The following ANKRD24 variants were observed in gnomAD, a reference collection of about 807,000 sequenced individuals.
The protein encoded by ANKRD24 is ankyrin repeat domain-containing protein 24.
ANKRD24 carries 109 observed loss-of-function variants against 127.8 expected under a neutral mutation model. The observed-to-expected ratio is 0.85, with a 90% CI of 0.73 to 1.00. The LOEUF (loss-of-function observed/expected upper bound fraction) is 1.00. ANKRD24 is among the 50% of genes least tolerant of loss of function. The pLI, the probability that ANKRD24 is intolerant of heterozygous loss-of-function variation, is 0.00. For synonymous variants in ANKRD24, 743 were observed against 671.1 expected, an observed-to-expected ratio of 1.11 and a Z score of -1.66; for missense variants, 1,648 against 1,570.2, an observed-to-expected ratio of 1.05 and a Z score of -0.84.
intron 15 of ANKRD24, among the ~76,000 whole-genome samples, chr19:4,215,547 G>A (rs758758349): frequency 1.3e-4 from 20 of 148,164 alleles, no homozygotes; most frequent in East Asian, 6.0e-4. Flanking sequence ...CAGGAGGATC[G>A]CTTGAACCCA....
chr19:4,200,063 C>T lies in ANKRD24; in HGVS notation c.255-20C>T, dbSNP rs995561124. 5.7e-6 allele frequency: 9 copies of T among 1,574,250 alleles called. No individual in the cohort carries two copies. The African/African-American group carries it at 9.4e-5, about 17-fold the overall frequency. On this transcript the variant is annotated intron_variant, in intron 4 of 21. Coordinates refer to ENST00000318934, the MANE Select transcript of ANKRD24 (RefSeq NM_001393985.1). ...GAGGGGTGGCAACCTTGCGGCTGAA[C>T]CCTTGTCTCTCACCTCCAGGTTCCA... is the stretch of plus-strand genomic sequence containing the variant.
In ANKRD24 at chr19:4,210,044, C is replaced by T; in HGVS notation, c.871-14C>T. The T allele has an allele frequency of 6.3e-7, 1 of 1,594,148 alleles. No homozygotes were observed. The highest frequency in any genetic ancestry group is 8.6e-7 in the Non-Finnish European group (1 of 1,167,372). On this transcript the variant is annotated splice_polypyrimidine_tract_variant and intron_variant, in intron 11 of 21. Transcript: ENST00000318934. ...CGATCGGCCCCCTTCACTCTCTCTC[C>T]CCTCCCTTCCCAGAACTCTATGTCC...
In ANKRD24 at chr19:4,217,787, G is replaced by A. The variant is rs1288991470; in HGVS notation, c.2627G>A (p.Arg876Gln). 2 of 1,329,450 alleles carry A rather than the reference G, an allele frequency of 1.5e-6. No individual in the cohort carries two copies. Among genetic ancestry groups the A allele is most frequent in the East Asian group, 6.8e-5 (2 of 29,364 alleles). The allele number at this position is 1,329,450 out of a possible 1,614,324, so 82.4% of individuals were successfully genotyped here. Residue 876 changes from arginine (R) to glutamine (Q), a missense_variant, in exon 18 of 22, where the codon CGG becomes CAG. By Grantham distance (43) the Arg-to-Gln change is conservative (BLOSUM62 1). Coordinates refer to ENST00000318934, the MANE Select transcript of ANKRD24 (RefSeq NM_001393985.1). ...QQRTAAAELG[R>Q]ARDAAEARVA... ...CGCACGGCGGCCGCGGAACTGGGCC[G>A]GGCACGGGACGCCGCTGAGGCCCGA...
chr19:4,208,217 C>T (rs905947970), intron 10 of ANKRD24, among the ~76,000 whole-genome samples: 1 of 152,002 alleles, frequency 6.6e-6, no homozygotes, highest in Admixed American at 6.5e-5. Flanking sequence ...AAGAAGGGCA[C>T]CCCCTGCTGG....
chr19:4,205,259 A>G (rs1259753874), intron 7 of ANKRD24, among the ~76,000 whole-genome samples: 1 of 152,066 alleles, frequency 6.6e-6, no homozygotes, highest in Non-Finnish European at 1.5e-5. Flanking sequence ...ACCAACAACA[A>G]CAACAAACAG....
chr19:4,217,186 G>A lies in ANKRD24; in HGVS notation c.2026G>A (p.Gly676Ser), dbSNP rs1486998725. The change falls in exon 18 of 22, where the codon GGC becomes AGC. Residue 676 changes from glycine (G) to serine (S), a missense_variant. Transcript: ENST00000318934. Reference sequence around the variant, plus strand: ...AGGGACCACAAACATGGAGGCCACGGGCTCTAGGGCCACAGGGATGGAATC... The same window carrying A: ...AGGGACCACAAACATGGAGGCCACGAGCTCTAGGGCCACAGGGATGGAATC... ...VTGTTNMEAT[G>S]SRATGMESTG... The A allele has an allele frequency of 6.2e-7, 1 of 1,610,462 alleles. No individual in the cohort carries two copies. Among genetic ancestry groups the A allele is most frequent in the South Asian group, 1.1e-5 (1 of 90,726 alleles).
intron 1 of ANKRD24, among the ~76,000 whole-genome samples, chr19:4,183,776 G>A (rs550167827): frequency 6.6e-6 from 1 of 152,248 alleles, no homozygotes; most frequent in East Asian, 1.9e-4. Context: ...AGCTGGGTGT[G>A]GTGGCCTGTA....
chr19:4,191,162 G>A (rs1968362002), intron 2 of ANKRD24, among the ~76,000 whole-genome samples: 1 of 152,194 alleles, frequency 6.6e-6, no homozygotes, highest in Non-Finnish European at 1.5e-5. Flanking sequence ...TTGCTGGGAA[G>A]CTGCAGGGCC....
chr19:4,210,108 G>A lies in ANKRD24; in HGVS notation c.921G>A (p.Ala307=), dbSNP rs998717280. The A allele has an allele frequency of 2.6e-5, 42 of 1,611,582 alleles. No homozygotes were observed. In the East Asian group the frequency reaches 2.9e-4, roughly 11 times the overall value. ...AGGGGGCCCCCAAGAAGCGGAAGGCGCCTCCACCTCCCGCCAGCATTCCCA... is the reference window on the plus strand; with the variant it reads ...AGGGGGCCCCCAAGAAGCGGAAGGCACCTCCACCTCCCGCCAGCATTCCCA... ...GKQGAPKKRK[A]PPPPASIPMP... is the part of the protein sequence containing the mutation. The change falls in exon 12 of 22, where the codon GCG becomes GCA. Residue 307 remains alanine, a synonymous_variant. Transcript: ENST00000318934.
Position 4,219,603 on chromosome 19 carries a change from G to A in ANKRD24, c.3016G>A (p.Ala1006Thr). The A allele has an allele frequency of 6.2e-7, 1 of 1,611,748 alleles. No individual in the cohort carries two copies. Among genetic ancestry groups the A allele is most frequent in the South Asian group, 1.1e-5 (1 of 90,928 alleles). The change falls in exon 19 of 22, where the codon GCC becomes ACC. Residue 1006 changes from alanine (A) to threonine (T), a missense_variant. Ala to Thr is a moderately conservative substitution (Grantham distance 58). Transcript: ENST00000318934. The part of the protein sequence containing the change: ...SAEVFQVQRE[A>T]LFMKSERHAA... ...GCTTGGGCCACAGGTGCAGCGTGAGGCCCTGTTCATGAAGAGTGAGCGACA... is the reference window on the plus strand; with the variant it reads ...GCTTGGGCCACAGGTGCAGCGTGAGACCCTGTTCATGAAGAGTGAGCGACA...
At chr19:4,194,345 G>A (rs1180888473) in intron 2 of ANKRD24, among the ~76,000 whole-genome samples, 4 of 152,086 alleles carry the variant, frequency 2.6e-5, no homozygotes, top group Admixed American at 6.6e-5. Flanking sequence ...TAGAGACGGG[G>A]TTTCACCATG....
chr19:4,204,813 A>G (rs1452970033), intron 7 of ANKRD24, among the ~76,000 whole-genome samples: 1 of 152,192 alleles, frequency 6.6e-6, no homozygotes, highest in Non-Finnish European at 1.5e-5. Flanking sequence ...TGGTCACAAT[A>G]TAGGAGTCCG....
intron 7 of ANKRD24, among the ~76,000 whole-genome samples, chr19:4,204,457 T>C (rs1199441932): frequency 2.0e-5 from 3 of 152,154 alleles, no homozygotes; most frequent in African/African-American, 7.2e-5. Flanking sequence ...TCGAATGTAC[T>C]CCTGGGCTTT....
intron 1 of ANKRD24, among the ~76,000 whole-genome samples, chr19:4,184,091 T>G (rs1294259597): frequency 6.6e-6 from 1 of 152,076 alleles, no homozygotes; most frequent in Admixed American, 6.6e-5. Context: ...AGATCGTGGG[T>G]GTCTTCCCGC....
chr19:4,190,441 C>T (rs1300809356), intron 2 of ANKRD24, among the ~76,000 whole-genome samples: 4 of 140,170 alleles, frequency 2.9e-5, no homozygotes, highest in Non-Finnish European at 6.2e-5. Context: ...AAAAAAAAAT[C>T]TGGCTCGGCA....
chr19:4,209,096 C>T, intron 11 of ANKRD24: 1 of 303,834 alleles, frequency 3.3e-6, no homozygotes, highest in Middle Eastern at 9.7e-4. Flanking sequence ...TGGCCTCTTC[C>T]CCTCTTTCAG....
chr19:4,210,121 G>T lies in ANKRD24; in HGVS notation c.934G>T (p.Ala312Ser). 1 of 1,610,326 alleles carries T rather than the reference G, an allele frequency of 6.2e-7. No individual in the cohort carries two copies. The highest frequency in any genetic ancestry group is 8.5e-7 in the Non-Finnish European group (1 of 1,178,474). ...PKKRKAPPPPASIPMPDDRDA... is the reference protein window; with the variant it reads ...PKKRKAPPPPSSIPMPDDRDA... ...GAAGCGGAAGGCGCCTCCACCTCCC[G>T]CCAGCATTCCCATGCCGGTGAGAGA... Residue 312 changes from alanine (A) to serine (S), a missense_variant, in exon 12 of 22, where the codon GCC (alanine) becomes TCC (serine). Coordinates refer to ENST00000318934, the MANE Select transcript of ANKRD24 (RefSeq NM_001393985.1).
chr19:4,204,512 G>T (rs1488995991), intron 7 of ANKRD24, among the ~76,000 whole-genome samples: 2 of 152,066 alleles, frequency 1.3e-5, no homozygotes, highest in African/African-American at 4.8e-5. Flanking sequence ...CCTTTGTGGA[G>T]CCCCTAGGAG....
At chr19:4,193,419 G>A (rs1429741049) in intron 2 of ANKRD24, among the ~76,000 whole-genome samples, 1 of 152,108 alleles carries the variant, frequency 6.6e-6, no homozygotes, top group African/African-American at 2.4e-5. Flanking sequence ...GCAGCCATGT[G>A]CACGGTGGGG....
Sources: allele counts gnomAD v4.1 joint callset (sites outside exome capture counted in the v4.1 genomes callset), GRCh38; gene constraint gnomAD v4.1.1; transcripts MANE v1.5; gene names NCBI Gene and HGNC (gene_info 2026-07-23, HGNC 2026-07-21).